The following RGS7 variants were observed in gnomAD, a reference collection of about 807,000 sequenced individuals.
RGS7 encodes the protein regulator of G-protein signaling 7.
Under a neutral mutation model 81.1 loss-of-function variants are expected in RGS7, and 27 were observed. The ratio of observed to expected loss-of-function variants is 0.33; its 90% CI spans 0.25 to 0.46. RGS7 has a LOEUF of 0.46. Among genes scored for constraint, RGS7 ranks in the 20% least tolerant of loss-of-function variants. The probability of loss-of-function intolerance (pLI) is 1.00; values close to 1 mark genes in which losing one functional copy is unlikely to be tolerated. For synonymous variants in RGS7, 208 were observed against 207.7 expected (o/e 1.00, Z -0.01); for missense variants, 396 against 607.4 (o/e 0.65, Z 3.66).
chr1:240,820,011 G>A lies in RGS7; in HGVS notation c.685-3596C>T, dbSNP rs963363485. 5.9e-5 allele frequency among the ~76,000 whole-genome samples: 9 copies of A among 152,256 alleles called. 1 individual carries two copies. The highest frequency in any genetic ancestry group is 1.3e-4 in the Admixed American group (2 of 15,288). Reference sequence around the variant, plus strand: ...AGAAGAATATAATTTTACATATGGGGATTATTTTATGGACAAAGGAGGCAA... The same window carrying A: ...AGAAGAATATAATTTTACATATGGGAATTATTTTATGGACAAAGGAGGCAA... On this transcript the variant is annotated intron_variant, in intron 10 of 18. Transcript: ENST00000440928.
At chr1:241,069,277 A>T (rs2062283649) in intron 3 of RGS7, among the ~76,000 whole-genome samples, 1 of 152,244 alleles carries the variant, frequency 6.6e-6, no homozygotes, top group African/African-American at 2.4e-5. Flanking sequence ...ATAAATAAGA[A>T]ATTAGCAATT....
At chr1:241,073,964 G>A (rs1431169013) in intron 3 of RGS7, among the ~76,000 whole-genome samples, 2 of 150,870 alleles carry the variant, frequency 1.3e-5, no homozygotes, top group South Asian at 2.1e-4. Context: ...GCAGTGGCAC[G>A]ATCTCAGCTC....
At chr1:241,340,862 A>G (rs1238180989) in intron 2 of RGS7, among the ~76,000 whole-genome samples, 1 of 152,210 alleles carries the variant, frequency 6.6e-6, no homozygotes, top group Non-Finnish European at 1.5e-5. Flanking sequence ...GGCAAGAGCA[A>G]AAACACTAGT....
chr1:241,052,333 G>A (rs1237373330), intron 3 of RGS7, among the ~76,000 whole-genome samples: 1 of 152,060 alleles, frequency 6.6e-6, no homozygotes, highest in Non-Finnish European at 1.5e-5. Flanking sequence ...GGCTAGGAGG[G>A]GAGGATTAAA....
chr1:241,099,379 T>TAC (rs1166594310), intron 2 of RGS7, among the ~76,000 whole-genome samples: 30 of 152,008 alleles, frequency 2.0e-4, no homozygotes, highest in Admixed American at 1.2e-3. Flanking sequence ...CATGCACATG[T>TAC]ACACACACAC....
At chr1:240,886,740 G>C (rs1203337353) in intron 6 of RGS7, among the ~76,000 whole-genome samples, 1 of 152,134 alleles carries the variant, frequency 6.6e-6, no homozygotes, top group Non-Finnish European at 1.5e-5. Flanking sequence ...ACTATGCCTA[G>C]AATAGAAAAA....
chr1:240,931,041 CA>C (rs543779633), intron 5 of RGS7, among the ~76,000 whole-genome samples: 161 of 152,104 alleles, frequency 1.1e-3, no homozygotes, highest in Middle Eastern at 3.4e-3. Context: ...GACATAAAGG[CA>C]AAAAGGTCTG....
chr1:241,124,381 G>A (rs1451702113), intron 2 of RGS7, among the ~76,000 whole-genome samples: 3 of 152,116 alleles, frequency 2.0e-5, no homozygotes, highest in Admixed American at 2.0e-4. Context: ...GTGACAGAGA[G>A]AGACCCTGTC....
intron 2 of RGS7, among the ~76,000 whole-genome samples, chr1:241,195,974 A>G (rs114389591): frequency 6.6e-6 from 1 of 152,128 alleles, no homozygotes; most frequent in Non-Finnish European, 1.5e-5. Context: ...CTGATCAAAT[A>G]CTTTATTCAA....
At chr1:241,270,165 C>A (rs1996806) in intron 2 of RGS7, among the ~76,000 whole-genome samples, 1 of 152,108 alleles carries the variant, frequency 6.6e-6, no homozygotes, top group Admixed American at 6.5e-5. Context: ...CTCCATTTAT[C>A]AATGCTGGCC....
intron 3 of RGS7, among the ~76,000 whole-genome samples, chr1:241,083,941 C>T (rs2678776): frequency 0.37 from 55,695 of 151,958 alleles, 12,761 homozygotes; most frequent in African/African-American, 0.66. Context: ...ATCTTAGAAC[C>T]ACCTAGGCGG....
chr1:241,098,342 C>T (rs73127564), intron 3 of RGS7, among the ~76,000 whole-genome samples: 13,601 of 152,226 alleles, frequency 0.089, 1,697 homozygotes, highest in African/African-American at 0.28. Flanking sequence ...AAAGAAATCA[C>T]TGATTTTTTT....
chr1:240,890,288 G>A (rs1668074596), intron 6 of RGS7, among the ~76,000 whole-genome samples: 1 of 152,102 alleles, frequency 6.6e-6, no homozygotes, highest in African/African-American at 2.4e-5. Context: ...GAGTAGCTGG[G>A]CCTACAGGCG....
chr1:241,273,767 G>C (rs1417211945), intron 2 of RGS7, among the ~76,000 whole-genome samples: 1 of 152,150 alleles, frequency 6.6e-6, no homozygotes, highest in Admixed American at 6.5e-5. Flanking sequence ...GACTTCAGCA[G>C]CCCTCTGCCT....
intron 2 of RGS7, among the ~76,000 whole-genome samples, chr1:241,105,710 G>A (rs1049401823): frequency 3.3e-5 from 5 of 152,126 alleles, no homozygotes; most frequent in African/African-American, 4.8e-5. Flanking sequence ...TAAGCCAATC[G>A]CTTTACAGAG....
At chr1:241,301,022 C>A (rs1427004623) in intron 2 of RGS7, among the ~76,000 whole-genome samples, 1 of 152,208 alleles carries the variant, frequency 6.6e-6, no homozygotes, top group Non-Finnish European at 1.5e-5. Context: ...ATGTCAAGCA[C>A]CTTTTCATAT....
chr1:241,270,902 GAGCC>G (rs1558258517), intron 2 of RGS7, among the ~76,000 whole-genome samples: 2 of 120,178 alleles, frequency 1.7e-5, no homozygotes, highest in East Asian at 5.0e-4. Flanking sequence ...GGGGCTACAG[GAGCC>G]CACCACCACG....
intron 18 of RGS7, among the ~76,000 whole-genome samples, chr1:240,786,592 A>T (rs1348295247): frequency 6.6e-6 from 1 of 152,218 alleles, no homozygotes; most frequent in Non-Finnish European, 1.5e-5. Context: ...TACAGTAACC[A>T]TATATATGTA....
At chr1:241,128,281 A>AC (rs2066823051) in intron 2 of RGS7, among the ~76,000 whole-genome samples, 1 of 139,120 alleles carries the variant, frequency 7.2e-6, no homozygotes, top group Non-Finnish European at 1.6e-5. Flanking sequence ...CGTCTCAAAA[A>AC]AAAAAAAAAG....
Sources: allele counts gnomAD v4.1 joint callset (sites outside exome capture counted in the v4.1 genomes callset), GRCh38; gene constraint gnomAD v4.1.1; transcripts MANE v1.5; gene names NCBI Gene and HGNC (gene_info 2026-07-23, HGNC 2026-07-21).